FREM1: variants seen among roughly 807,000 people sequenced by gnomAD.
The protein encoded by FREM1 is FRAS1 related extracellular matrix 1, also known as FRAS1-related extracellular matrix protein 1.
A neutral mutation model predicts 210.1 loss-of-function variants in FREM1; 220 were observed. That is an observed-to-expected ratio of 1.05 (90% confidence interval 0.94 to 1.17). The LOEUF (loss-of-function observed/expected upper bound fraction) is 1.17. Ranked by LOEUF, FREM1 falls within the 50% of genes most tolerant of loss-of-function variation. The pLI is 0.00. For synonymous variants in FREM1, 1,189 were observed against 980.2 expected (o/e 1.21, Z -3.98); for missense variants, 3,454 against 2,675.5 (o/e 1.29, Z -6.42).
At chr9:14,875,383 CT>C (rs1564144776) in intron 1 of FREM1, among the ~76,000 whole-genome samples, 1 of 152,082 alleles carries the variant, frequency 6.6e-6, no homozygotes, top group Non-Finnish European at 1.5e-5. Context: ...TCCTTTTATT[CT>C]TTTTTCTCTA....
intron 1 of FREM1, among the ~76,000 whole-genome samples, chr9:14,884,224 A>G (rs62537693): frequency 0.4 from 60,206 of 151,698 alleles, 12,205 homozygotes; most frequent in East Asian, 0.65. Flanking sequence ...GCGAGACTCC[A>G]TCTCAAAAAA....
chr9:14,760,920 G>A (rs759987371), intron 27 of FREM1, among the ~76,000 whole-genome samples: 4 of 151,988 alleles, frequency 2.6e-5, no homozygotes, highest in African/African-American at 9.7e-5. Flanking sequence ...CCTTCACTAC[G>A]ATTGTTAACT....
intron 3 of FREM1, among the ~76,000 whole-genome samples, chr9:14,860,165 T>C (rs1348888859): frequency 6.6e-6 from 1 of 152,162 alleles, no homozygotes; most frequent in African/African-American, 2.4e-5. Context: ...TTCTCTATGA[T>C]AGTATATAAC....
rs1818442736 is a variant in FREM1 at position 14,806,729 on chromosome 9, T to C, written c.3206A>G (p.Gln1069Arg). ...GAGTATATTTTCGAGGTAGCCAAAC[T>C]GAGGAGGAGAAACCAAAACAAATTC... ...DLEFVLVSPP[Q>R]FGYLENILPS... The change falls in exon 18 of 37, where the codon CAG becomes CGG. Residue 1069 changes from glutamine (Q) to arginine (R), a missense_variant. Coordinates refer to ENST00000380880, the MANE Select transcript of FREM1 (RefSeq NM_001379081.2). 1.2e-6 allele frequency: 2 copies of C among 1,604,804 alleles called. No individual in the cohort carries two copies. Among genetic ancestry groups the C allele is most frequent in the East Asian group, 2.2e-5 (1 of 44,784 alleles).
chr9:14,844,470 C>T (rs1041953193), intron 8 of FREM1, among the ~76,000 whole-genome samples: 2 of 152,228 alleles, frequency 1.3e-5, no homozygotes, highest in East Asian at 3.9e-4. Flanking sequence ...AGTGATCTGC[C>T]GGTCTCGGCC....
chr9:14,860,592 T>TATACACATATATATATACACATATATAC (rs1554707110), intron 3 of FREM1, among the ~76,000 whole-genome samples: 1 of 103,680 alleles, frequency 9.6e-6, no homozygotes, highest in Non-Finnish European at 2.0e-5. Flanking sequence ...CACATATATA[T>TATACACATATATATATACACATATATAC]ACATATATAC....
At position 14,787,261 on chromosome 9, in the gene FREM1, T is replaced by TAAAAC. The variant is rs145291967; in HGVS notation, c.4177+1653_4177+1657dup. Among the ~76,000 whole-genome samples the TAAAAC allele has an allele frequency of 1.6e-3, 236 of 151,678 alleles. 2 individuals carry two copies. Among genetic ancestry groups the TAAAAC allele is most frequent in the South Asian group, 3.6e-3 (17 of 4,788 alleles). Reference sequence around the variant, plus strand: ...GCAACCTGAAAAAACTCATGTTAAGTAAAACAAAACAAAACAAAACAAAAC... The same window carrying TAAAAC: ...GCAACCTGAAAAAACTCATGTTAAGTAAAACAAAACAAAACAAAACAAAACAAAAC... On this transcript the variant is annotated intron_variant, in intron 23 of 36. Coordinates refer to ENST00000380880, the MANE Select transcript of FREM1 (RefSeq NM_001379081.2).
intron 16 of FREM1, among the ~76,000 whole-genome samples, chr9:14,810,634 T>C (rs181589845): frequency 1.3e-5 from 2 of 152,322 alleles, no homozygotes; most frequent in Non-Finnish European, 2.9e-5. Flanking sequence ...TGGACTTTCA[T>C]ATAGTAAGAT....
chr9:14,821,972 C>G (rs1482000136), intron 13 of FREM1, among the ~76,000 whole-genome samples: 1 of 152,192 alleles, frequency 6.6e-6, no homozygotes, highest in Non-Finnish European at 1.5e-5. Flanking sequence ...TAATAATCCC[C>G]ATGTGTCAAG....
chr9:14,824,344 T>C (rs562457273), intron 11 of FREM1, among the ~76,000 whole-genome samples: 1 of 152,324 alleles, frequency 6.6e-6, no homozygotes, highest in Middle Eastern at 3.4e-3. Flanking sequence ...TGGCATCATG[T>C]AAGGGAATTG....
chr9:14,798,726 T>C (rs922238176), intron 20 of FREM1, among the ~76,000 whole-genome samples: 2 of 152,142 alleles, frequency 1.3e-5, no homozygotes, highest in South Asian at 2.1e-4. Context: ...CAGGCTGGAA[T>C]GCAGTGACAT....
intron 8 of FREM1, 71 bp from the exon 9 acceptor site, chr9:14,842,731 C>T: frequency 9.0e-7 from 1 of 1,107,768 alleles, no homozygotes; most frequent in Admixed American, 1.8e-5. Context: ...GGGAAAGCAT[C>T]AATACAGTAG....
chr9:14,887,757 CTTTTCG>C (rs1001431702), intron 1 of FREM1, among the ~76,000 whole-genome samples: 47 of 152,078 alleles, frequency 3.1e-4, no homozygotes, highest in Non-Finnish European at 5.6e-4. Context: ...TCCTATGCAT[CTTTTCG>C]TTTATTTTTC....
intron 24 of FREM1, among the ~76,000 whole-genome samples, chr9:14,776,957 G>A (rs1460001531): frequency 6.6e-6 from 1 of 152,196 alleles, no homozygotes; most frequent in Non-Finnish European, 1.5e-5. Context: ...TTATTTTCCT[G>A]CTTCAAAGAA....
chr9:14,801,336 C>G (rs955534340), intron 20 of FREM1, among the ~76,000 whole-genome samples: 1 of 152,156 alleles, frequency 6.6e-6, no homozygotes, highest in Non-Finnish European at 1.5e-5. Flanking sequence ...TTAACATATG[C>G]ATTACTTCTC....
chr9:14,803,067 T>G (rs7871686), intron 19 of FREM1, among the ~76,000 whole-genome samples: 1 of 145,826 alleles, frequency 6.9e-6, no homozygotes, highest in Non-Finnish European at 1.5e-5. Flanking sequence ...TTTCTTTTCT[T>G]TCTTTCTCTT....
At chr9:14,833,669 G>A (rs1823995421) in intron 10 of FREM1, among the ~76,000 whole-genome samples, 1 of 152,118 alleles carries the variant, frequency 6.6e-6, no homozygotes. Context: ...AAGTAACAAG[G>A]GATTTAAAAG....
rs200489692 is a variant in FREM1 at position 14,740,191 on chromosome 9, G to T, written c.6298C>A (p.Arg2100=). ...LVTVFSRQHM[R]WLWDIGGRKS... is the part of the protein sequence containing the mutation. ...CTCCCACCAATGTCCCAGAGCCACC[G>T]CATGTGCTGCCTGGAGAATACAGTT... The change falls in exon 36 of 37, where the codon CGG becomes AGG. Residue 2100 remains arginine, a synonymous_variant. Coordinates refer to ENST00000380880, the MANE Select transcript of FREM1 (RefSeq NM_001379081.2). The T allele has an allele frequency of 1.3e-5, 21 of 1,612,746 alleles. No homozygotes were observed. The South Asian group carries it at 1.6e-4, about 13-fold the overall frequency.
At chr9:14,774,588 T>C (rs1399347185) in intron 25 of FREM1, among the ~76,000 whole-genome samples, 2 of 151,464 alleles carry the variant, frequency 1.3e-5, no homozygotes, top group African/African-American at 2.4e-5. Flanking sequence ...TGTAACTATT[T>C]TACTAGTCAG....
Sources: gnomAD v4.1 joint callset for allele counts (sites outside exome capture counted in the v4.1 genomes callset) on GRCh38, gnomAD v4.1.1 for gene constraint, MANE v1.5 for transcripts, NCBI Gene and HGNC (gene_info 2026-07-23, HGNC 2026-07-21) for gene names.